The following ARHGAP30 variants were observed in gnomAD, a reference collection of about 807,000 sequenced individuals.
ARHGAP30 encodes the protein rho GTPase-activating protein 30.
A neutral mutation model predicts 72.0 loss-of-function variants in ARHGAP30; 23 were observed. That is an observed-to-expected ratio of 0.32 (90% CI 0.23 to 0.45). The LOEUF is 0.45. ARHGAP30 is among the 20% of genes least tolerant of loss of function. The pLI, the probability that ARHGAP30 is intolerant of heterozygous loss-of-function variation, is 1.00. For missense variants in ARHGAP30, 1,319 were observed against 1,383.4 expected, an observed-to-expected ratio of 0.95 and a Z score of 0.74; for synonymous variants, 576 against 528.2, an observed-to-expected ratio of 1.09 and a Z score of -1.24.
rs1375430809 is a variant in ARHGAP30 at position 161,069,040 on chromosome 1, A to G, written c.97+488T>C. On this transcript the variant is annotated intron_variant, in intron 1 of 11. Coordinates refer to ENST00000368013, the MANE Select transcript of ARHGAP30 (RefSeq NM_001025598.2). The surrounding 1 kb of genome is among the most constrained non-coding windows in gnomAD (Gnocchi z 4.9). ...GGCTGCAGTGGGAACAGAGCCCATG[A>G]CCTTGTCCTTGGGTGTTCTCCAGCC... is the stretch of plus-strand genomic sequence containing the variant. Among the ~76,000 whole-genome samples the G allele has an allele frequency of 6.6e-6, 1 of 151,896 alleles. No homozygotes were observed. The highest frequency in any genetic ancestry group is 1.9e-4 in the East Asian group (1 of 5,186).
rs368675181 is a variant in ARHGAP30, at chr1:161,053,431, C to G, written c.537-46G>C. On this transcript the variant is annotated intron_variant, in intron 5 of 11. Transcript: ENST00000368013. Reference sequence around the variant, plus strand: ...TCTCCCCCTCAGCCCCACCAAACTTCCCAATCCAGATTCTCCCTGAAAATA... The same window carrying G: ...TCTCCCCCTCAGCCCCACCAAACTTGCCAATCCAGATTCTCCCTGAAAATA... 1.7e-5 allele frequency: 27 copies of G among 1,580,050 alleles called. No homozygotes were observed. The African/African-American group carries it at 3.5e-4, about 20-fold the overall frequency.
chr1:161,066,942 C>T (rs972939790), intron 1 of ARHGAP30, among the ~76,000 whole-genome samples: 3 of 152,156 alleles, frequency 2.0e-5, no homozygotes, highest in African/African-American at 7.2e-5. Context: ...TCTGCTGTCA[C>T]CTAAACCACC....
At position 161,048,111 on chromosome 1, in the gene ARHGAP30, C is replaced by G; in HGVS notation, c.2910G>C (p.Arg970=). ...APANPCPRPG[R]LDGTPGERAW... Reference sequence around the variant, plus strand: ...CCCTTTCTCCAGGAGTCCCATCAAGCCGGCCAGGCCTCGGGCATGGATTTG... The same window carrying G: ...CCCTTTCTCCAGGAGTCCCATCAAGGCGGCCAGGCCTCGGGCATGGATTTG... The change falls in exon 12 of 12, where the codon CGG becomes CGC. Residue 970 remains arginine, a synonymous_variant. Coordinates refer to ENST00000368013, the MANE Select transcript of ARHGAP30 (RefSeq NM_001025598.2). 1.2e-6 allele frequency: 2 copies of G among 1,614,126 alleles called. No individual in the cohort carries two copies. The highest frequency in any genetic ancestry group is 1.7e-6 in the Non-Finnish European group (2 of 1,180,008).
Position 161,053,755 on chromosome 1 carries a change from C to T in ARHGAP30, c.537-370G>A, listed in dbSNP as rs143395314. Among the ~76,000 whole-genome samples, 422 of 152,292 alleles carry T rather than the reference C, an allele frequency of 2.8e-3. 1 individual carries two copies. Among genetic ancestry groups the T allele is most frequent in the African/African-American group, 9.5e-3 (396 of 41,552 alleles). On this transcript the variant is annotated intron_variant, in intron 5 of 11. Transcript: ENST00000368013. ...TGAGCACAGCCAACAGACTGCAAGA[C>T]GTTTTGCTCAACAAACATTTGGCGT...
chr1:161,058,470 T>A (rs1409932236), intron 2 of ARHGAP30, among the ~76,000 whole-genome samples: 1 of 146,418 alleles, frequency 6.8e-6, no homozygotes, highest in African/African-American at 2.5e-5. Context: ...CTACTAAAGA[T>A]ACAAAAATTA....
chr1:161,065,293 C>G (rs576200905), intron 1 of ARHGAP30, among the ~76,000 whole-genome samples: 1 of 151,010 alleles, frequency 6.6e-6, no homozygotes, highest in East Asian at 1.9e-4. Flanking sequence ...ACCTCTTTAA[C>G]CACTAGGAAG....
chr1:161,056,285 C>G, intron 3 of ARHGAP30, 103 bp downstream of exon 3: 1 of 1,447,346 alleles, frequency 6.9e-7, no homozygotes, highest in Non-Finnish European at 9.2e-7. Flanking sequence ...CTCTGTCATT[C>G]AGGATCGCTA....
At position 161,054,721 on chromosome 1, in the gene ARHGAP30, G is replaced by A; in HGVS notation, c.346-16C>T. 6.2e-7 allele frequency: 1 copy of A among 1,612,208 alleles called. No individual in the cohort carries two copies. The highest frequency in any genetic ancestry group is 1.3e-5 in the African/African-American group (1 of 74,976). On this transcript the variant is annotated splice_polypyrimidine_tract_variant and intron_variant, in intron 3 of 11. Transcript: ENST00000368013. ...CTACAGCCTCCTGATTGAGAAGAGT[G>A]CAAGAAGCAGGAATCAGTGACCCAG... is the stretch of plus-strand genomic sequence containing the variant.
chr1:161,059,721 G>A lies in ARHGAP30; in HGVS notation c.98-5C>T. ...AGCTCTTTAGCACCTGGGGCACTGG[G>A]GACACAGACGGGGCAGAGACATAGA... On this transcript the variant is annotated splice_polypyrimidine_tract_variant and splice_region_variant and intron_variant, in intron 1 of 11. Transcript: ENST00000368013. The A allele has an allele frequency of 6.2e-7, 1 of 1,610,322 alleles. No individual in the cohort carries two copies. The highest frequency in any genetic ancestry group is 8.5e-7 in the Non-Finnish European group (1 of 1,177,504).
chr1:161,052,418 C>T, intron 8 of ARHGAP30, 22 bp downstream of exon 8: 2 of 1,613,078 alleles, frequency 1.2e-6, no homozygotes, highest in African/African-American at 1.3e-5. Context: ...CAGCAGAGCT[C>T]CCCCCATCTC....
At chr1:161,061,630 C>G (rs1181609572) in intron 1 of ARHGAP30, among the ~76,000 whole-genome samples, 1 of 152,168 alleles carries the variant, frequency 6.6e-6, no homozygotes, top group Non-Finnish European at 1.5e-5. Context: ...CAGCAGCACC[C>G]AGCTAGAGCC....
At chr1:161,053,039 C>G in intron 6 of ARHGAP30, 1 of 861,756 alleles carries the variant, frequency 1.2e-6, no homozygotes, top group Non-Finnish European at 1.7e-6. Flanking sequence ...GCCTTGGGAG[C>G]CAGGATGGTG....
Position 161,052,546 on chromosome 1 carries a change from A to T in ARHGAP30, c.837-3T>A. The T allele has an allele frequency of 6.2e-7, 1 of 1,613,808 alleles. No homozygotes were observed. The highest frequency in any genetic ancestry group is 8.5e-7 in the Non-Finnish European group (1 of 1,179,944). On this transcript the variant is annotated splice_polypyrimidine_tract_variant and splice_region_variant and intron_variant, in intron 7 of 11. Transcript: ENST00000368013. Reference sequence around the variant, plus strand: ...TGACCTTCAAAGACCCCTTCCTCCTACAAAGAATGGAGGGGCATAATTGGA... The same window carrying T: ...TGACCTTCAAAGACCCCTTCCTCCTTCAAAGAATGGAGGGGCATAATTGGA...
At chr1:161,060,269 CAA>C (rs59790446) in intron 1 of ARHGAP30, 8,242 of 367,050 alleles carry the variant, frequency 0.022, no homozygotes, top group Middle Eastern at 0.037. Context: ...GACCCTGTTT[CAA>C]AAAAAAAAAA....
At chr1:161,059,548 T>G in intron 2 of ARHGAP30, 66 bp downstream of exon 2, 2 of 1,401,418 alleles carry the variant, frequency 1.4e-6, no homozygotes, top group South Asian at 1.3e-5. Flanking sequence ...CCTCAGCAAC[T>G]CTTACTGTGA....
At position 161,069,661 on chromosome 1, in the gene ARHGAP30, T is replaced by A; in HGVS notation, c.-37A>T. The A allele has an allele frequency of 4.4e-6, 7 of 1,595,632 alleles. No homozygotes were observed. Among genetic ancestry groups the A allele is most frequent in the Non-Finnish European group, 6.0e-6 (7 of 1,172,296 alleles). ...CAGGGCACTGGCCCGGTCACCTCTA[T>A]CCCCCAAGACCTGTGCCCTACCAGT... On this transcript the variant is annotated 5_prime_UTR_variant, in exon 1 of 12. Transcript: ENST00000368013. This position sits in a 1 kb window ranked among gnomAD's most constrained non-coding sequence, Gnocchi z 4.9.
chr1:161,064,827 GAAA>G (rs772956933), intron 1 of ARHGAP30, among the ~76,000 whole-genome samples: 5,432 of 66,982 alleles, frequency 0.081, 253 homozygotes, highest in African/African-American at 0.23. Flanking sequence ...AAGAAAGAAA[GAAA>G]GAGAAAGAAA....
chr1:161,050,169 A>G (rs1047625207), intron 10 of ARHGAP30, among the ~76,000 whole-genome samples: 1 of 152,150 alleles, frequency 6.6e-6, no homozygotes, highest in Non-Finnish European at 1.5e-5. Flanking sequence ...ACTTCTACCT[A>G]AATCAATTGC....
chr1:161,064,799 G>GAA (rs1311599041), intron 1 of ARHGAP30, among the ~76,000 whole-genome samples: 1 of 60,294 alleles, frequency 1.7e-5, no homozygotes, highest in African/African-American at 1.0e-4. Flanking sequence ...AAGAAAGAAA[G>GAA]AAAGAAAGAA....
Sources: allele counts gnomAD v4.1 joint callset (sites outside exome capture counted in the v4.1 genomes callset), GRCh38; gene constraint gnomAD v4.1.1; non-coding constraint Gnocchi (gnomAD v3.1); transcripts MANE v1.5; gene names NCBI Gene and HGNC (gene_info 2026-07-23, HGNC 2026-07-21).